ARHGAP15: variants seen among roughly 807,000 people sequenced by gnomAD.
ARHGAP15 encodes rho GTPase-activating protein 15.
A neutral mutation model predicts 63.7 loss-of-function variants in ARHGAP15; 51 were observed. That is an observed-to-expected ratio of 0.80 (90% CI 0.64 to 1.01). The LOEUF is 1.01. Among genes scored for constraint, ARHGAP15 ranks in the 50% least tolerant of loss-of-function variants. The pLI is 0.00. For synonymous variants in ARHGAP15, 191 were observed against 193.8 expected, an observed-to-expected ratio of 0.99 and a Z score of 0.12; for missense variants, 560 against 564.6, an observed-to-expected ratio of 0.99 and a Z score of 0.08.
At chr2:143,614,848 T>A (rs1245010842) in intron 11 of ARHGAP15, among the ~76,000 whole-genome samples, 1 of 152,150 alleles carries the variant, frequency 6.6e-6, no homozygotes, top group African/African-American at 2.4e-5. Flanking sequence ...GAGTCAAGAT[T>A]AACAGCATAG....
chr2:143,596,044 C>T (rs544007598), intron 11 of ARHGAP15, among the ~76,000 whole-genome samples: 22 of 152,162 alleles, frequency 1.4e-4, no homozygotes, highest in African/African-American at 5.3e-4. Flanking sequence ...CAACTTTTCC[C>T]CAAACCACCC....
At chr2:143,694,464 G>A (rs1299389780) in intron 12 of ARHGAP15, among the ~76,000 whole-genome samples, 1 of 152,106 alleles carries the variant, frequency 6.6e-6, no homozygotes, top group Non-Finnish European at 1.5e-5. Context: ...AGATTAGCTG[G>A]CAGTTTTTTT....
intron 6 of ARHGAP15, among the ~76,000 whole-genome samples, chr2:143,348,076 T>C (rs1053884976): frequency 4.6e-5 from 7 of 152,116 alleles, no homozygotes; most frequent in Admixed American, 6.6e-5. Context: ...CCCATTTTTG[T>C]TCCAGCTCTT....
At chr2:143,735,683 A>G (rs1319988206) in intron 13 of ARHGAP15, among the ~76,000 whole-genome samples, 1 of 152,168 alleles carries the variant, frequency 6.6e-6, no homozygotes, top group African/African-American at 2.4e-5. Flanking sequence ...ACTCAACCAC[A>G]CAGACTAGAA....
intron 6 of ARHGAP15, among the ~76,000 whole-genome samples, chr2:143,403,491 A>G (rs182956293): frequency 4.7e-3 from 722 of 152,014 alleles, no homozygotes; most frequent in South Asian, 0.022. Context: ...GAGGCACATA[A>G]TAGTTACTAT....
At chr2:143,460,403 C>A (rs1296872992) in intron 8 of ARHGAP15, among the ~76,000 whole-genome samples, 1 of 152,102 alleles carries the variant, frequency 6.6e-6, no homozygotes, top group Non-Finnish European at 1.5e-5. Flanking sequence ...TTCATTTTAT[C>A]CTCTGCATTC....
intron 13 of ARHGAP15, among the ~76,000 whole-genome samples, chr2:143,754,698 C>T (rs1686507831): frequency 6.6e-6 from 1 of 152,214 alleles, no homozygotes; most frequent in South Asian, 2.1e-4. Context: ...GCCTGGGCCA[C>T]TTACGTGGGA....
At chr2:143,660,643 TG>T (rs1318782177) in intron 12 of ARHGAP15, among the ~76,000 whole-genome samples, 5 of 152,228 alleles carry the variant, frequency 3.3e-5, no homozygotes, top group African/African-American at 1.2e-4. Flanking sequence ...GGATCTCCAC[TG>T]GGGTCATCTT....
intron 11 of ARHGAP15, among the ~76,000 whole-genome samples, chr2:143,600,685 A>G (rs770815896): frequency 1.3e-5 from 2 of 152,186 alleles, no homozygotes; most frequent in Non-Finnish European, 2.9e-5. Context: ...AGGAGCTTAG[A>G]GACTCATAAA....
intron 6 of ARHGAP15, among the ~76,000 whole-genome samples, chr2:143,256,021 G>A (rs1224841425): frequency 6.6e-6 from 1 of 152,106 alleles, no homozygotes; most frequent in East Asian, 1.9e-4. Context: ...TTTGGGCTAT[G>A]TCAGTTGTAA....
chr2:143,695,435 C>T (rs977276378), intron 12 of ARHGAP15, among the ~76,000 whole-genome samples: 16 of 152,136 alleles, frequency 1.1e-4, no homozygotes, highest in Non-Finnish European at 1.5e-4. Flanking sequence ...CACTGCCTTA[C>T]GCTCCAATTC....
chr2:143,563,927 C>G (rs1205211889), intron 11 of ARHGAP15: 1 of 152,258 alleles, frequency 6.6e-6, no homozygotes, highest in African/African-American at 2.4e-5. Context: ...AATTTATTAT[C>G]TCACAGTTTC....
rs560476287 is a variant in ARHGAP15, at chr2:143,152,107, T to C, written c.-14-3370T>C. On this transcript the variant is annotated intron_variant, in intron 1 of 13. Coordinates refer to ENST00000295095, the MANE Select transcript of ARHGAP15 (RefSeq NM_018460.4). ...GTGTCTAGAATACCAGCCCCTCTGGTACTGGTTGGGTTAGAAGGGATGGGA... is the reference window on the plus strand; with the variant it reads ...GTGTCTAGAATACCAGCCCCTCTGGCACTGGTTGGGTTAGAAGGGATGGGA... 2.0e-5 allele frequency among the ~76,000 whole-genome samples: 3 copies of C among 152,078 alleles called. No homozygotes were observed. The East Asian group carries it at 5.9e-4, about 30-fold the overall frequency.
intron 6 of ARHGAP15, among the ~76,000 whole-genome samples, chr2:143,270,473 G>A (rs1205761780): frequency 1.3e-5 from 2 of 152,058 alleles, no homozygotes; most frequent in African/African-American, 4.8e-5. Flanking sequence ...TTGACCCATT[G>A]GTGATATTTA....
intron 6 of ARHGAP15, among the ~76,000 whole-genome samples, chr2:143,420,092 G>A (rs1020399103): frequency 2.0e-5 from 3 of 152,146 alleles, no homozygotes; most frequent in Non-Finnish European, 4.4e-5. Context: ...TTAAGGTCAG[G>A]TCAGGATACG....
chr2:143,527,259 A>T (rs1365745171), intron 10 of ARHGAP15, among the ~76,000 whole-genome samples: 1 of 152,198 alleles, frequency 6.6e-6, no homozygotes, highest in Non-Finnish European at 1.5e-5. Context: ...AATGAACATG[A>T]CATATTTTTT....
At chr2:143,351,607 G>A (rs948421806) in intron 6 of ARHGAP15, among the ~76,000 whole-genome samples, 2 of 152,118 alleles carry the variant, frequency 1.3e-5, no homozygotes, top group Non-Finnish European at 2.9e-5. Flanking sequence ...TTTTAACCTG[G>A]CGGGATAGGC....
At chr2:143,672,635 C>A (rs1212361501) in intron 12 of ARHGAP15, among the ~76,000 whole-genome samples, 1 of 152,068 alleles carries the variant, frequency 6.6e-6, no homozygotes, top group Non-Finnish European at 1.5e-5. Context: ...GGAAGTCTGG[C>A]CCAAAAAGAC....
chr2:143,568,347 G>T (rs1456244993), intron 11 of ARHGAP15, among the ~76,000 whole-genome samples: 5 of 152,138 alleles, frequency 3.3e-5, no homozygotes, highest in Non-Finnish European at 5.9e-5. Context: ...TCAAAAAGTG[G>T]GCAAAGGATA....
Sources: allele counts gnomAD v4.1 joint callset (sites outside exome capture counted in the v4.1 genomes callset), GRCh38; gene constraint gnomAD v4.1.1; transcripts MANE v1.5; gene names NCBI Gene and HGNC (gene_info 2026-07-23, HGNC 2026-07-21).